The following ANO3 variants were observed in gnomAD, a reference collection of about 807,000 sequenced individuals.
ANO3 encodes the protein anoctamin-3.
Under a neutral mutation model 144.8 loss-of-function variants are expected in ANO3, and 99 were observed. That is an observed-to-expected ratio of 0.68 (90% CI 0.58 to 0.81). The LOEUF (loss-of-function observed/expected upper bound fraction) is 0.81. ANO3 is among the 30% of genes least tolerant of loss of function. ANO3 has a pLI of 0.00. For synonymous variants in ANO3, 414 were observed against 392.6 expected (o/e 1.05, Z -0.64); for missense variants, 905 against 1,202.2 (o/e 0.75, Z 3.66).
At chr11:26,510,710 G>T (rs927599931) in intron 5 of ANO3, among the ~76,000 whole-genome samples, 1 of 152,196 alleles carries the variant, frequency 6.6e-6, no homozygotes, top group Non-Finnish European at 1.5e-5. Flanking sequence ...CAGTATAGGA[G>T]TCAGACATGA....
At chr11:26,603,853 G>A (rs549389610) in intron 17 of ANO3, among the ~76,000 whole-genome samples, 8 of 152,228 alleles carry the variant, frequency 5.3e-5, no homozygotes, top group Admixed American at 2.6e-4. Context: ...ACAGGTTTAG[G>A]AGTATAATTG....
chr11:26,452,538 TA>T (rs1858986147), intron 3 of ANO3, among the ~76,000 whole-genome samples: 1 of 152,018 alleles, frequency 6.6e-6, no homozygotes, highest in African/African-American at 2.4e-5. Flanking sequence ...GAAAAAAGAA[TA>T]AAAAGAAACG....
At position 26,549,218 on chromosome 11, in the gene ANO3, G is replaced by A. The variant is rs1010284439; in HGVS notation, c.1289+1668G>A. ...TATTCTCTAACCTTTGGTACAAGGA[G>A]TGTTCTAAAAGGCATTAGTAAACTC... is the stretch of plus-strand genomic sequence containing the variant. On this transcript the variant is annotated intron_variant, in intron 12 of 26. Transcript: ENST00000256737. Among the ~76,000 whole-genome samples the A allele has an allele frequency of 9.9e-5, 15 of 151,982 alleles. 1 individual carries two copies. Among genetic ancestry groups the A allele is most frequent in the African/African-American group, 3.6e-4 (15 of 41,398 alleles).
At chr11:26,564,783 A>AGTT (rs1565109302) in intron 14 of ANO3, among the ~76,000 whole-genome samples, 3,719 of 100,694 alleles carry the variant, frequency 0.037, 215 homozygotes, top group Non-Finnish European at 0.058. Context: ...ATATATATAT[A>AGTT]TAAGTTCAGT....
At chr11:26,633,361 A>G (rs1398925896) in intron 18 of ANO3, among the ~76,000 whole-genome samples, 1 of 152,210 alleles carries the variant, frequency 6.6e-6, no homozygotes, top group Non-Finnish European at 1.5e-5. Context: ...GCAAAAAAAT[A>G]GTGAAGAGAC....
At chr11:26,461,282 C>G (rs1859386877) in intron 3 of ANO3, among the ~76,000 whole-genome samples, 1 of 152,034 alleles carries the variant, frequency 6.6e-6, no homozygotes, top group African/African-American at 2.4e-5. Context: ...GTTTCTTTCA[C>G]GCTTAGGTAA....
At chr11:26,641,600 G>T (rs1853152515) in intron 21 of ANO3, among the ~76,000 whole-genome samples, 1 of 152,066 alleles carries the variant, frequency 6.6e-6, no homozygotes, top group East Asian at 1.9e-4. Flanking sequence ...AGTGTATAGA[G>T]CTTGAATTCC....
At chr11:26,633,184 A>G (rs547141628) in intron 18 of ANO3, among the ~76,000 whole-genome samples, 13 of 152,230 alleles carry the variant, frequency 8.5e-5, no homozygotes, top group Non-Finnish European at 1.3e-4. Context: ...TATATGTTAG[A>G]TGAGACGTAT....
At chr11:26,412,889 T>C (rs1200554507) in intron 1 of ANO3, among the ~76,000 whole-genome samples, 3 of 151,456 alleles carry the variant, frequency 2.0e-5, no homozygotes, top group Non-Finnish European at 4.4e-5. Context: ...CTCATATTCC[T>C]TTTTACTGTG....
chr11:26,590,569 T>C (rs185836329), intron 14 of ANO3, among the ~76,000 whole-genome samples: 1 of 152,318 alleles, frequency 6.6e-6, no homozygotes, highest in African/African-American at 2.4e-5. Context: ...TTCCAAGGAA[T>C]GGAACCTTGG....
chr11:26,277,218 A>G (rs1455320835), intron 1 of ANO3, among the ~76,000 whole-genome samples: 1 of 152,144 alleles, frequency 6.6e-6, no homozygotes, highest in East Asian at 1.9e-4. Flanking sequence ...TTTAATAAAA[A>G]TAAGCAGTTG....
intron 1 of ANO3, among the ~76,000 whole-genome samples, chr11:26,409,715 A>G (rs1857382247): frequency 6.6e-6 from 1 of 152,022 alleles, no homozygotes; most frequent in Non-Finnish European, 1.5e-5. Context: ...GATTATTTCC[A>G]TCTAATTGTC....
At chr11:26,208,528 G>C (rs1341003296) in intron 1 of ANO3, among the ~76,000 whole-genome samples, 1 of 141,076 alleles carries the variant, frequency 7.1e-6, no homozygotes, top group Non-Finnish European at 1.5e-5. Context: ...AAAAAAAAAA[G>C]GAATTGCAGG....
chr11:26,656,417 A>T lies in ANO3; in HGVS notation c.2699A>T (p.Tyr900Phe). The change falls in exon 26 of 27, where the codon TAT becomes TTT. Residue 900 changes from tyrosine (Y) to phenylalanine (F), a missense_variant. Tyr to Phe is a conservative substitution (Grantham distance 22, BLOSUM62 3). Coordinates refer to ENST00000256737, the MANE Select transcript of ANO3 (RefSeq NM_031418.4). ...YRGPPWSSKP[Y>F]EFTLQYWHIL... ...GGCCCGCCCTGGAGTTCCAAACCCT[A>T]TGAGTTTACTTTACAATACTGGCAT... The T allele has an allele frequency of 6.2e-7, 1 of 1,612,208 alleles. No homozygotes were observed. The highest frequency in any genetic ancestry group is 8.5e-7 in the Non-Finnish European group (1 of 1,178,320).
chr11:26,338,021 CT>C (rs1273344721), intron 1 of ANO3, among the ~76,000 whole-genome samples: 1 of 152,138 alleles, frequency 6.6e-6, no homozygotes, highest in African/African-American at 2.4e-5. Context: ...AGATTGACCC[CT>C]GTCACCACCT....
intron 7 of ANO3, among the ~76,000 whole-genome samples, chr11:26,527,343 C>T (rs1849188050): frequency 6.6e-6 from 1 of 152,016 alleles, no homozygotes; most frequent in South Asian, 2.1e-4. Flanking sequence ...ATTCAGTTAT[C>T]ATTTATTCCA....
At chr11:26,265,186 A>G (rs1590223332) in intron 1 of ANO3, among the ~76,000 whole-genome samples, 1 of 152,202 alleles carries the variant, frequency 6.6e-6, no homozygotes, top group South Asian at 2.1e-4. Context: ...TTCTTCAAGA[A>G]CTAACTTTAG....
chr11:26,656,181 G>C lies in ANO3; in HGVS notation c.2633G>C (p.Gly878Ala). The C allele has an allele frequency of 6.2e-7, 1 of 1,613,580 alleles. No homozygotes were observed. Among genetic ancestry groups the C allele is most frequent in the Non-Finnish European group, 8.5e-7 (1 of 1,179,678 alleles). Residue 878 changes from glycine (G) to alanine (A), a missense_variant, in exon 25 of 27, where the codon GGT becomes GCT. By Grantham distance (60) the Gly-to-Ala change is moderately conservative. This residue lies in a region of ANO3 where 597 missense variants were observed against 865.1 expected (regional missense o/e 0.69). Transcript: ENST00000256737. ...SLSFFDLSEL[G>A]MGKSGYCRYR... ...TCCTTCTTTGACCTGAGTGAGCTTG[G>C]TATGGGAAAATCTGGTTATTGCAGG...
At chr11:26,638,994 A>G (rs2133052739) in intron 20 of ANO3, 150 bp from the exon 21 acceptor site, 1 of 587,882 alleles carries the variant, frequency 1.7e-6, no homozygotes, top group Non-Finnish European at 3.0e-6. Context: ...AAGTGCCCTC[A>G]TACATGCTGT....
Sources: allele counts gnomAD v4.1 joint callset (sites outside exome capture counted in the v4.1 genomes callset), GRCh38; gene constraint gnomAD v4.1.1; regional missense constraint gnomAD v4.1.1; transcripts MANE v1.5; gene names NCBI Gene and HGNC (gene_info 2026-07-23, HGNC 2026-07-21).